TCTN2: variants seen among roughly 807,000 people sequenced by gnomAD.
The protein encoded by TCTN2 is tectonic family member 2.
TCTN2 carries 66 observed loss-of-function variants against 83.4 expected under a neutral mutation model. The ratio of observed to expected loss-of-function variants is 0.79; its 90% CI spans 0.65 to 0.97. The LOEUF (loss-of-function observed/expected upper bound fraction) is 0.97, where lower values mean the gene tolerates loss of function less well. Among genes scored for constraint, TCTN2 ranks in the 50% least tolerant of loss-of-function variants. The pLI is 0.00. For synonymous variants in TCTN2, 301 were observed against 326.7 expected (o/e 0.92, Z 0.85); for missense variants, 794 against 858.1 (o/e 0.93, Z 0.93).
intron 8 of TCTN2, 103 bp downstream of exon 8, chr12:123,690,777 T>C (rs1211768162): frequency 1.9e-5 from 27 of 1,386,930 alleles, no homozygotes; most frequent in Non-Finnish European, 2.6e-5. Context: ...CTTCAAATAA[T>C]ATTTGAACTG....
intron 7 of TCTN2, among the ~76,000 whole-genome samples, chr12:123,688,634 T>C (rs1956005811): frequency 6.6e-6 from 1 of 152,340 alleles, no homozygotes; most frequent in South Asian, 2.1e-4. Flanking sequence ...TAACTGTTTA[T>C]GTTCTCCAAA....
At position 123,707,892 on chromosome 12, in the gene TCTN2, TAG is replaced by T. The variant is rs1956250722; in HGVS notation, c.*183_*184del. 4.8e-6 allele frequency: 3 copies of T among 625,456 alleles called. No homozygotes were observed. 38.7% of individuals were successfully genotyped at this position (625,456 alleles called of 1,614,324 possible). ...CGCCCGGCTAATTTTGTATTTTTAG[TAG>T]AGACAGGGTTCCACCGTATTGGCCA... On this transcript the variant is annotated 3_prime_UTR_variant, in exon 18 of 18. Transcript: ENST00000303372.
intron 5 of TCTN2, 25 bp downstream of exon 5, chr12:123,679,314 A>C: frequency 1.3e-6 from 2 of 1,595,262 alleles, no homozygotes. Context: ...TATTGGGCAC[A>C]AAAGTTATGC....
At chr12:123,686,487 CAATT>C (rs1057064532) in intron 5 of TCTN2, among the ~76,000 whole-genome samples, 3 of 152,164 alleles carry the variant, frequency 2.0e-5, no homozygotes, top group Non-Finnish European at 2.9e-5. Context: ...ATGGTAATGA[CAATT>C]AAGAAAGGAG....
chr12:123,674,895 A>T (rs1955802496), intron 4 of TCTN2, among the ~76,000 whole-genome samples: 1 of 152,064 alleles, frequency 6.6e-6, no homozygotes, highest in Non-Finnish European at 1.5e-5. Flanking sequence ...TTTTAGAGAC[A>T]CGGTCTCACT....
chr12:123,678,986 AC>A (rs1463209433), intron 4 of TCTN2, among the ~76,000 whole-genome samples: 18 of 151,990 alleles, frequency 1.2e-4, no homozygotes, highest in Non-Finnish European at 2.5e-4. Flanking sequence ...TTTAATAGAG[AC>A]CGGGTTTCAC....
intron 3 of TCTN2, among the ~76,000 whole-genome samples, chr12:123,672,867 A>G (rs990853010): frequency 3.3e-5 from 5 of 152,208 alleles, no homozygotes; most frequent in Admixed American, 1.3e-4. Flanking sequence ...TCTGGCCAAC[A>G]TGGTGAAACC....
At position 123,688,112 on chromosome 12, in the gene TCTN2, G is replaced by C; in HGVS notation, c.826G>C (p.Asp276His). The change falls in exon 7 of 18, where the codon GAC (aspartate) becomes CAC (histidine). Residue 276 changes from aspartate to histidine, a missense_variant. Physicochemically the swap from Asp to His is moderately conservative, Grantham distance 81 (BLOSUM62 -1). Coordinates refer to ENST00000303372, the MANE Select transcript of TCTN2 (RefSeq NM_024809.5). ...GGATACTGACGCAAAAGACTTTGCA[G>C]ACTTTGGTTACAAACAAGGAGATCC... ...YVDTDAKDFA[D>H]FGYKQGDPIM... 1 of 1,614,004 alleles carries C rather than the reference G, an allele frequency of 6.2e-7. No homozygotes were observed. Among genetic ancestry groups the C allele is most frequent in the Non-Finnish European group, 8.5e-7 (1 of 1,179,928 alleles).
At chr12:123,705,403 C>T (rs1280622369) in intron 15 of TCTN2, among the ~76,000 whole-genome samples, 5 of 152,176 alleles carry the variant, frequency 3.3e-5, no homozygotes, top group East Asian at 1.9e-4. Flanking sequence ...CCTCATGATC[C>T]GCCCGCCTCG....
Position 123,707,863 on chromosome 12 carries a change from A to G in TCTN2, c.*150A>G. 1.5e-6 allele frequency: 1 copy of G among 684,326 alleles called. No individual in the cohort carries two copies. The highest frequency in any genetic ancestry group is 2.6e-6 in the Non-Finnish European group (1 of 380,920). 42.4% of individuals were successfully genotyped at this position (684,326 alleles called of 1,614,324 possible). ...AGAACTGGGATTACAGGCATGCACCACCACGCCCGGCTAATTTTGTATTTT... is the reference window on the plus strand; with the variant it reads ...AGAACTGGGATTACAGGCATGCACCGCCACGCCCGGCTAATTTTGTATTTT... On this transcript the variant is annotated 3_prime_UTR_variant, in exon 18 of 18. Transcript: ENST00000303372.
chr12:123,688,849 G>A (rs1316930695), intron 7 of TCTN2, among the ~76,000 whole-genome samples: 4 of 151,770 alleles, frequency 2.6e-5, no homozygotes, highest in South Asian at 2.1e-4. Flanking sequence ...TCTGCCTCCC[G>A]GGTTCAAGCG....
At chr12:123,677,290 C>T (rs974151184) in intron 4 of TCTN2, among the ~76,000 whole-genome samples, 1 of 152,178 alleles carries the variant, frequency 6.6e-6, no homozygotes, top group African/African-American at 2.4e-5. Context: ...CTCCTTGTTC[C>T]GGATACCATT....
rs199931630 is a variant in TCTN2 at position 123,704,562 on chromosome 12, C to T, written c.1643C>T (p.Pro548Leu). ...GATGCCCCTGATCCAGGTGCAGACC[C>T]GCTGGCTAGCAGTGTGAACGGCATG... The part of the protein sequence containing the change: ...RVDAPDPGAD[P>L]LASSVNGMCL... Residue 548 changes from proline to leucine, a missense_variant, in exon 15 of 18, where the codon CCG (proline) becomes CTG (leucine). Physicochemically the swap from Pro to Leu is moderately conservative, Grantham distance 98 (BLOSUM62 -3). Transcript: ENST00000303372. 317 of 1,610,554 alleles carry T rather than the reference C, an allele frequency of 2.0e-4. 5 individuals carry two copies. The East Asian group carries it at 4.7e-3, about 24-fold the overall frequency.
At chr12:123,673,563 T>C (rs940477474) in intron 3 of TCTN2, 52 bp from the exon 4 acceptor site, 11 of 1,567,054 alleles carry the variant, frequency 7.0e-6, no homozygotes, top group African/African-American at 1.4e-5. Context: ...TATGTATTCT[T>C]ATAGACCCTG....
rs779547974 is a variant in TCTN2 at position 123,673,652 on chromosome 12, T to C, written c.305T>C (p.Leu102Pro). Residue 102 changes from leucine to proline, a missense_variant, in exon 4 of 18, where the codon CTG becomes CCG. Leu to Pro is a moderately conservative substitution (Grantham distance 98, BLOSUM62 -3). Coordinates refer to ENST00000303372, the MANE Select transcript of TCTN2 (RefSeq NM_024809.5). Reference protein sequence around the residue: ...LEVTVRWKRGLDWCSSNETDS... With the variant: ...LEVTVRWKRGPDWCSSNETDS... ...GTGACAGTGAGGTGGAAGAGAGGTC[T>C]GGACTGGTGTTCCTCCAATGAGACA... The C allele has an allele frequency of 2.5e-6, 4 of 1,614,254 alleles. No homozygotes were observed. The South Asian group carries it at 4.4e-5, about 18-fold the overall frequency.
At chr12:123,694,762 G>A (rs1017676596) in intron 9 of TCTN2, 80 bp from the exon 10 acceptor site, 78 of 1,527,964 alleles carry the variant, frequency 5.1e-5, no homozygotes, top group Non-Finnish European at 5.0e-5. Flanking sequence ...GGAAGGCCAC[G>A]CAAGCAGAGA....
At chr12:123,688,992 G>C (rs150972270) in intron 7 of TCTN2, among the ~76,000 whole-genome samples, 3 of 151,754 alleles carry the variant, frequency 2.0e-5, no homozygotes, top group East Asian at 1.9e-4. Context: ...CTGACCTCAG[G>C]TGATCTGCCT....
intron 17 of TCTN2, 92 bp downstream of exon 17, chr12:123,707,165 C>T (rs1956240620): frequency 1.9e-6 from 2 of 1,059,640 alleles, no homozygotes; most frequent in East Asian, 2.5e-5. Context: ...AAGCATAAAA[C>T]ATATAGAAAC....
At chr12:123,674,739 T>A (rs972141732) in intron 4 of TCTN2, among the ~76,000 whole-genome samples, 4 of 152,174 alleles carry the variant, frequency 2.6e-5, no homozygotes, top group African/African-American at 9.6e-5. Flanking sequence ...TAAAAAATTT[T>A]AAAAAGCTGG....
Sources: gnomAD v4.1 joint callset for allele counts (sites outside exome capture counted in the v4.1 genomes callset) on GRCh38, gnomAD v4.1.1 for gene constraint, MANE v1.5 for transcripts, NCBI Gene and HGNC (gene_info 2026-07-23, HGNC 2026-07-21) for gene names.